Variants in AVEN observed in about 807,000 individuals in gnomAD.
AVEN encodes apoptosis and caspase activation inhibitor.
Under a neutral mutation model 38.1 loss-of-function variants are expected in AVEN, and 41 were observed. The ratio of observed to expected loss-of-function variants is 1.08; its 90% confidence interval spans 0.84 to 1.40. The LOEUF is 1.40. Ranked by LOEUF, AVEN falls within the 40% of genes most tolerant of loss-of-function variation. The probability of loss-of-function intolerance (pLI) is 0.00; values close to 1 mark genes in which losing one functional copy is unlikely to be tolerated. For synonymous variants in AVEN, 206 were observed against 171.8 expected, an observed-to-expected ratio of 1.20 and a Z score of -1.56; for missense variants, 605 against 438.8, an observed-to-expected ratio of 1.38 and a Z score of -3.38.
At chr15:33,982,598 T>A (rs1003052236) in intron 2 of AVEN, among the ~76,000 whole-genome samples, 2 of 152,204 alleles carry the variant, frequency 1.3e-5, no homozygotes, top group African/African-American at 4.8e-5. Flanking sequence ...CAATTTTTTT[T>A]AAATGCTATA....
At chr15:34,022,972 G>C (rs1303575655) in intron 1 of AVEN, among the ~76,000 whole-genome samples, 1 of 152,194 alleles carries the variant, frequency 6.6e-6, no homozygotes, top group Non-Finnish European at 1.5e-5. Context: ...CGGATCACAA[G>C]GTCAGGAGTT....
chr15:33,954,652 T>C (rs1242527910), intron 2 of AVEN, among the ~76,000 whole-genome samples: 1 of 53,870 alleles, frequency 1.9e-5, no homozygotes, highest in African/African-American at 7.8e-5. Context: ...GGGCCTGTCA[T>C]GGGGTGGGGG....
chr15:34,070,663 GAC>G (rs1900609004), intron 1 of AVEN, among the ~76,000 whole-genome samples: 1 of 152,158 alleles, frequency 6.6e-6, no homozygotes, highest in Non-Finnish European at 1.5e-5. Flanking sequence ...TAGAAAAGAA[GAC>G]ACAGTCTAAG....
intron 5 of AVEN, among the ~76,000 whole-genome samples, chr15:34,047,368 T>C (rs2684948): frequency 0.99 from 151,116 of 152,314 alleles, 74,975 homozygotes; most frequent in Middle Eastern, 1. Flanking sequence ...TGAGCCACCG[T>C]GCCCGGCGGA....
At chr15:33,991,405 A>G (rs1355480314) in intron 2 of AVEN, 4 of 152,088 alleles carry the variant, frequency 2.6e-5, no homozygotes, top group Non-Finnish European at 5.9e-5. Flanking sequence ...TGGATACCCA[A>G]TTTTCCATGA....
intron 2 of AVEN, among the ~76,000 whole-genome samples, chr15:33,955,356 C>CT (rs1483727793): frequency 1.3e-5 from 2 of 152,132 alleles, no homozygotes; most frequent in African/African-American, 4.8e-5. Context: ...TAATTACATT[C>CT]TTCTTTAGGA....
In AVEN at chr15:33,904,024, A is replaced by T. The variant is rs568678796; in HGVS notation, c.446-28029T>A. Among the ~76,000 whole-genome samples the T allele has an allele frequency of 3.3e-5, 5 of 152,336 alleles. No individual in the cohort carries two copies. In the South Asian group the frequency reaches 1.0e-3, roughly 32 times the overall value. ...ATATAACATAGAATAGGTATGGTAA[A>T]AGTATGGTATTAAAATTTTATGGGA... On this transcript the variant is annotated intron_variant, in intron 2 of 5. Coordinates refer to ENST00000306730, the MANE Select transcript of AVEN (RefSeq NM_020371.3).
At chr15:33,985,655 T>C (rs188883837) in intron 2 of AVEN, among the ~76,000 whole-genome samples, 2 of 152,160 alleles carry the variant, frequency 1.3e-5, no homozygotes, top group East Asian at 3.9e-4. Flanking sequence ...TGTAGGCATT[T>C]CTGTACCCTC....
chr15:33,957,575 C>T (rs1895003812), intron 2 of AVEN, among the ~76,000 whole-genome samples: 1 of 151,854 alleles, frequency 6.6e-6, no homozygotes, highest in Admixed American at 6.6e-5. Flanking sequence ...TATAATATCC[C>T]AAAATTGAAA....
chr15:34,003,962 G>A (rs1367144666), intron 1 of AVEN, among the ~76,000 whole-genome samples: 1 of 152,158 alleles, frequency 6.6e-6, no homozygotes, highest in African/African-American at 2.4e-5. Flanking sequence ...ACAAATTACT[G>A]ACAAAGTCAA....
chr15:34,074,892 G>A (rs1311982063), exon 1 of AVEN, among the ~76,000 whole-genome samples: 1 of 151,986 alleles, frequency 6.6e-6, no homozygotes, highest in Non-Finnish European at 1.5e-5. Context: ...TGAATGGAAA[G>A]GATTGACCAG....
At chr15:33,915,371 G>A (rs887443953) in intron 2 of AVEN, among the ~76,000 whole-genome samples, 1 of 152,098 alleles carries the variant, frequency 6.6e-6, no homozygotes, top group Non-Finnish European at 1.5e-5. Context: ...TGTGAAAGGG[G>A]GATCATCCAC....
At chr15:34,026,655 T>G (rs777158855) in intron 1 of AVEN, among the ~76,000 whole-genome samples, 1 of 152,022 alleles carries the variant, frequency 6.6e-6, no homozygotes, top group African/African-American at 2.4e-5. Flanking sequence ...CAAGGATCAC[T>G]GAGGACAAGA....
At chr15:33,905,110 A>T (rs1195330088) in intron 2 of AVEN, among the ~76,000 whole-genome samples, 8 of 127,704 alleles carry the variant, frequency 6.3e-5, no homozygotes, top group Admixed American at 3.5e-4. Context: ...AGCCTGGGCG[A>T]CAGAGCAAGA....
intron 2 of AVEN, among the ~76,000 whole-genome samples, chr15:33,907,833 AAAGTT>A (rs1419263835): frequency 6.6e-6 from 1 of 152,128 alleles, no homozygotes; most frequent in African/African-American, 2.4e-5. Context: ...TCAACATAAA[AAAGTT>A]AAGAGTGCTA....
At chr15:33,861,416 G>A (rs1048067601), downstream of AVEN, among the ~76,000 whole-genome samples, 3 of 151,918 alleles carry the variant, frequency 2.0e-5, no homozygotes, top group Non-Finnish European at 2.9e-5. Flanking sequence ...GATTCCATCC[G>A]GGACACATAC....
chr15:33,981,429 CA>C (rs1409492898), intron 2 of AVEN, among the ~76,000 whole-genome samples: 1 of 55,216 alleles, frequency 1.8e-5, no homozygotes, highest in African/African-American at 3.2e-5. Context: ...CAAAAGGCAC[CA>C]AACTAAACAT....
intron 2 of AVEN, among the ~76,000 whole-genome samples, chr15:33,919,117 T>C (rs1893288939): frequency 6.6e-6 from 1 of 152,022 alleles, no homozygotes; most frequent in South Asian, 2.1e-4. Context: ...GACACAGGGT[T>C]TCACTCTGTT....
intron 2 of AVEN, among the ~76,000 whole-genome samples, chr15:33,941,505 C>T (rs981538830): frequency 1.3e-5 from 2 of 152,186 alleles, no homozygotes; most frequent in Non-Finnish European, 2.9e-5. Context: ...AGTATGTAAA[C>T]TGCTATTATC....
Sources: allele counts gnomAD v4.1 joint callset (sites outside exome capture counted in the v4.1 genomes callset), GRCh38; gene constraint gnomAD v4.1.1; transcripts MANE v1.5; gene names NCBI Gene and HGNC (gene_info 2026-07-23, HGNC 2026-07-21).